The following CIT variants were observed in gnomAD, a reference collection of about 807,000 sequenced individuals.
CIT encodes citron Rho-interacting kinase.
In CIT, 79 loss-of-function variants were observed where a neutral mutation model predicts 272.7. The ratio of observed to expected loss-of-function variants is 0.29; its 90% CI spans 0.24 to 0.35. The LOEUF (loss-of-function observed/expected upper bound fraction) is 0.35, where lower values mean the gene tolerates loss of function less well. Among genes scored for constraint, CIT ranks in the 10% least tolerant of loss-of-function variants. CIT has a pLI of 1.00. For synonymous variants in CIT, 948 were observed against 995.6 expected, an observed-to-expected ratio of 0.95 and a Z score of 0.90; for missense variants, 1,909 against 2,618.3, an observed-to-expected ratio of 0.73 and a Z score of 5.91.
At chr12:119,849,417 ACT>A (rs1275509458) in intron 5 of CIT, among the ~76,000 whole-genome samples, 1 of 151,770 alleles carries the variant, frequency 6.6e-6, no homozygotes, top group Non-Finnish European at 1.5e-5. Flanking sequence ...ACAAAGCGAG[ACT>A]CTGTCTCAAA....
intron 7 of CIT, among the ~76,000 whole-genome samples, chr12:119,829,001 G>A (rs1036403999): frequency 1.3e-5 from 2 of 151,702 alleles, no homozygotes; most frequent in Admixed American, 6.6e-5. Context: ...AAGGAAGGAA[G>A]GAAGGAAAGG....
In CIT at chr12:119,712,395, C is replaced by T. The variant is rs1384038465; in HGVS notation, c.4685-48G>A. 1 of 1,553,574 alleles carries T rather than the reference C, an allele frequency of 6.4e-7. No individual in the cohort carries two copies. The highest frequency in any genetic ancestry group is 8.8e-7 in the Non-Finnish European group (1 of 1,141,480). On this transcript the variant is annotated intron_variant, in intron 36 of 47. Transcript: ENST00000392521. The surrounding 1 kb of genome is among the most constrained non-coding windows in gnomAD (Gnocchi z 5.2). Reference sequence around the variant, plus strand: ...GGATTGGGTGTGGATTTCCCCCGTTCCCACTGGGAGGGACGGGCCTGAGAG... The same window carrying T: ...GGATTGGGTGTGGATTTCCCCCGTTTCCACTGGGAGGGACGGGCCTGAGAG...
At chr12:119,868,950 G>T in intron 3 of CIT, 110 bp downstream of exon 3, 1 of 1,310,730 alleles carries the variant, frequency 7.6e-7, no homozygotes, top group Non-Finnish European at 1.1e-6. Context: ...GTCTTATATA[G>T]AACCAGAGTT....
At chr12:119,720,629 T>A in intron 29 of CIT, 44 bp from the exon 30 acceptor site, 1 of 1,410,684 alleles carries the variant, frequency 7.1e-7, no homozygotes, top group Non-Finnish European at 9.8e-7. Flanking sequence ...CAGACAGAAG[T>A]ATACTTTTAA....
At chr12:119,815,253 C>T (rs1434110289) in intron 9 of CIT, among the ~76,000 whole-genome samples, 2 of 147,428 alleles carry the variant, frequency 1.4e-5, no homozygotes, top group Admixed American at 1.3e-4. Context: ...AAAAAAAAAG[C>T]CATAAGGGGT....
At chr12:119,812,555 T>C (rs906240096) in intron 9 of CIT, among the ~76,000 whole-genome samples, 1 of 151,934 alleles carries the variant, frequency 6.6e-6, no homozygotes. Context: ...TCCTCCCACC[T>C]CAGCCTCCCA....
chr12:119,749,093 G>A lies in CIT; in HGVS notation c.2904+2957C>T, dbSNP rs561551015. On this transcript the variant is annotated intron_variant, in intron 23 of 47. Transcript: ENST00000392521. Reference sequence around the variant, plus strand: ...GGCAAGCATTAGAAACGGCAACAAAGGCCTCCCAGCTGCACCGCCAAGACC... The same window carrying A: ...GGCAAGCATTAGAAACGGCAACAAAAGCCTCCCAGCTGCACCGCCAAGACC... Among the ~76,000 whole-genome samples the A allele has an allele frequency of 2.6e-5, 4 of 152,318 alleles. No individual in the cohort carries two copies. In the East Asian group the frequency reaches 7.7e-4, roughly 29 times the overall value.
At position 119,758,043 on chromosome 12, in the gene CIT, AAC is replaced by A. The variant is rs1961259997; in HGVS notation, c.2532-500_2532-499del. Among the ~76,000 whole-genome samples, 5 of 152,182 alleles carry A rather than the reference AAC, an allele frequency of 3.3e-5. No homozygotes were observed. In the South Asian group the frequency reaches 1.0e-3, roughly 32 times the overall value. ...AACCTAGAACGACTCAAAGACCCAA[AAC>A]ACAGCCTACTAAGCTGGTTTAGATT... On this transcript the variant is annotated intron_variant, in intron 21 of 47. Transcript: ENST00000392521.
chr12:119,756,905 G>A (rs1053381066), intron 22 of CIT, among the ~76,000 whole-genome samples: 1 of 152,072 alleles, frequency 6.6e-6, no homozygotes, highest in African/African-American at 2.4e-5. Context: ...GAGGCGGGTG[G>A]ATCACTTGAG....
intron 4 of CIT, among the ~76,000 whole-genome samples, chr12:119,855,485 G>A (rs1483141120): frequency 5.3e-5 from 8 of 152,084 alleles, no homozygotes; most frequent in African/African-American, 1.9e-4. Flanking sequence ...AGCTGTCAGA[G>A]AACCCTGGGT....
chr12:119,812,650 T>C (rs1463466869), intron 9 of CIT, among the ~76,000 whole-genome samples: 1 of 152,098 alleles, frequency 6.6e-6, no homozygotes, highest in Non-Finnish European at 1.5e-5. Flanking sequence ...GGTCTTGCTA[T>C]GTTGCCCAGG....
At chr12:119,811,943 A>AT (rs35887106) in intron 9 of CIT, among the ~76,000 whole-genome samples, 42,223 of 129,828 alleles carry the variant, frequency 0.33, 8,139 homozygotes, top group East Asian at 0.52. Context: ...TTCCCCAGGA[A>AT]TTTTTTTTTT....
intron 32 of CIT, among the ~76,000 whole-genome samples, chr12:119,716,191 A>G (rs1957460083): frequency 6.6e-6 from 1 of 152,018 alleles, no homozygotes. Context: ...CAGCCTGGCC[A>G]ACATGGTGAA....
At position 119,728,499 on chromosome 12, in the gene CIT, C is replaced by A. The variant is rs961318076; in HGVS notation, c.3591+3G>T. The stretch of plus-strand genomic sequence containing the variant: ...GCCCTTCTCCCAGGTATTTCACACT[C>A]ACCTCTTCCAGAAGCCTCTGTTTGA... On this transcript the variant is annotated splice_donor_region_variant and intron_variant, in intron 28 of 47. Coordinates refer to ENST00000392521, the MANE Select transcript of CIT (RefSeq NM_001206999.2). This position sits in a 1 kb window ranked among gnomAD's most constrained non-coding sequence, Gnocchi z 4.3. 1.9e-6 allele frequency: 3 copies of A among 1,592,898 alleles called. No individual in the cohort carries two copies. The African/African-American group carries it at 4.1e-5, about 22-fold the overall frequency.
rs200570302 is a variant in CIT, at chr12:119,702,003, G to C, written c.5305-45C>G. 4.2e-5 allele frequency: 60 copies of C among 1,433,386 alleles called. No individual in the cohort carries two copies. The East Asian group carries it at 1.4e-3, about 33-fold the overall frequency. 88.8% of individuals were successfully genotyped at this position (1,433,386 alleles called of 1,614,324 possible). A position where few individuals can be genotyped will look rare whatever the true frequency, so the allele number is the denominator to read the frequency against. ...GAGAAGGATGTGAGAGGTAACACAG[G>C]GCAGCCAAGGTCCACAGCTGTTCTG... On this transcript the variant is annotated intron_variant, in intron 41 of 47. Transcript: ENST00000392521.
At chr12:119,721,503 T>C in intron 28 of CIT, 54 bp from the exon 29 acceptor site, 6 of 1,496,300 alleles carry the variant, frequency 4.0e-6, no homozygotes, top group Non-Finnish European at 5.4e-6. Context: ...ATACAATTTG[T>C]TCCCCTGCTG....
intron 23 of CIT, among the ~76,000 whole-genome samples, chr12:119,743,268 T>C (rs1348696276): frequency 6.6e-6 from 1 of 151,726 alleles, no homozygotes; most frequent in Non-Finnish European, 1.5e-5. Context: ...GGTAGAAACT[T>C]ACTTAGATGG....
At chr12:119,833,963 G>T in intron 6 of CIT, 123 bp downstream of exon 6, 1 of 1,026,618 alleles carries the variant, frequency 9.7e-7, no homozygotes, top group East Asian at 2.6e-5. Flanking sequence ...TGGTAGACTG[G>T]CTAAAAACTG....
chr12:119,688,823 T>G (rs1284173473), intron 47 of CIT, among the ~76,000 whole-genome samples: 2 of 152,228 alleles, frequency 1.3e-5, no homozygotes, highest in Non-Finnish European at 2.9e-5. Flanking sequence ...AGGCAACCAC[T>G]GTGAACACTT....
Sources: allele counts gnomAD v4.1 joint callset (sites outside exome capture counted in the v4.1 genomes callset), GRCh38; gene constraint gnomAD v4.1.1; non-coding constraint Gnocchi (gnomAD v3.1); transcripts MANE v1.5; gene names NCBI Gene and HGNC (gene_info 2026-07-23, HGNC 2026-07-21).